IMMP1L: variants seen among roughly 807,000 people sequenced by gnomAD.
IMMP1L encodes inner mitochondrial membrane peptidase subunit 1.
IMMP1L carries 24 observed loss-of-function variants against 21.8 expected under a neutral mutation model. The ratio of observed to expected loss-of-function variants is 1.10; its 90% CI spans 0.80 to 1.55. IMMP1L has a LOEUF of 1.55. Ranked by LOEUF, IMMP1L falls within the 40% of genes most tolerant of loss-of-function variation. The pLI, the probability that IMMP1L is intolerant of heterozygous loss-of-function variation, is 0.00. For synonymous variants in IMMP1L, 46 were observed against 62.8 expected (o/e 0.73, Z 1.26); for missense variants, 195 against 200.7 (o/e 0.97, Z 0.17).
At chr11:31,467,780 A>ATT (rs34229840) in intron 1 of IMMP1L, among the ~76,000 whole-genome samples, 36,313 of 143,412 alleles carry the variant, frequency 0.25, 4,578 homozygotes, top group South Asian at 0.34. Context: ...AAAGTAGATA[A>ATT]TTTTTTTTTT....
At chr11:31,492,093 G>A (rs1955275938) in intron 1 of IMMP1L, among the ~76,000 whole-genome samples, 1 of 152,148 alleles carries the variant, frequency 6.6e-6, no homozygotes, top group Non-Finnish European at 1.5e-5. Context: ...TCAAAGCCAG[G>A]CATTGACTTC....
At chr11:31,442,992 T>C (rs1205662947) in intron 4 of IMMP1L, among the ~76,000 whole-genome samples, 1 of 152,184 alleles carries the variant, frequency 6.6e-6, no homozygotes, top group Non-Finnish European at 1.5e-5. Flanking sequence ...GAAAAAAGTC[T>C]ATATGATGAA....
chr11:31,507,713 G>C (rs1955817907), intron 1 of IMMP1L, among the ~76,000 whole-genome samples: 1 of 152,106 alleles, frequency 6.6e-6, no homozygotes, highest in Admixed American at 6.5e-5. Flanking sequence ...ATATCAGTTA[G>C]ATAGGAGGAA....
chr11:31,447,926 C>T (rs1953590119), intron 4 of IMMP1L, among the ~76,000 whole-genome samples: 1 of 152,154 alleles, frequency 6.6e-6, no homozygotes, highest in African/African-American at 2.4e-5. Context: ...AAAGTGGTAA[C>T]ATCAAAACTT....
intron 1 of IMMP1L, among the ~76,000 whole-genome samples, chr11:31,508,073 G>C (rs1955838449): frequency 6.6e-6 from 1 of 152,110 alleles, no homozygotes; most frequent in South Asian, 2.1e-4. Context: ...TAATACCGAG[G>C]TGGTGGGTTG....
chr11:31,453,823 C>T (rs1327494825), intron 4 of IMMP1L, among the ~76,000 whole-genome samples: 2 of 152,014 alleles, frequency 1.3e-5, no homozygotes, highest in African/African-American at 4.8e-5. Context: ...ATAATAAAGA[C>T]AAATACTTTT....
At chr11:31,496,157 G>T (rs1228995263) in intron 1 of IMMP1L, among the ~76,000 whole-genome samples, 3 of 148,426 alleles carry the variant, frequency 2.0e-5, no homozygotes, top group African/African-American at 7.4e-5. Context: ...TTCAAAACCG[G>T]CAAAGGTTTT....
At chr11:31,500,139 C>A (rs775242493) in intron 1 of IMMP1L, among the ~76,000 whole-genome samples, 30 of 151,966 alleles carry the variant, frequency 2.0e-4, no homozygotes, top group Non-Finnish European at 3.5e-4. Context: ...TAAGTCCTAC[C>A]AACCCACAAG....
At chr11:31,442,153 G>C (rs540894281) in intron 4 of IMMP1L, among the ~76,000 whole-genome samples, 7 of 151,970 alleles carry the variant, frequency 4.6e-5, no homozygotes, top group Admixed American at 4.6e-4. Context: ...TCCTTTCTAC[G>C]ACAGAGGTTT....
At chr11:31,438,148 G>A (rs1953188239) in intron 4 of IMMP1L, among the ~76,000 whole-genome samples, 1 of 152,090 alleles carries the variant, frequency 6.6e-6, no homozygotes, top group Admixed American at 6.6e-5. Context: ...CTTTTTCAAA[G>A]TGATACTATT....
chr11:31,479,341 G>A (rs957882675), intron 1 of IMMP1L, among the ~76,000 whole-genome samples: 1 of 151,954 alleles, frequency 6.6e-6, no homozygotes, highest in African/African-American at 2.4e-5. Flanking sequence ...CAAAAGTCAG[G>A]TGACACAATT....
At chr11:31,434,306 G>C (rs370581518) in intron 4 of IMMP1L, among the ~76,000 whole-genome samples, 1 of 152,236 alleles carries the variant, frequency 6.6e-6, no homozygotes, top group East Asian at 1.9e-4. Flanking sequence ...ACAATCATAA[G>C]CATATTTAGA....
At chr11:31,463,392 C>G (rs1460312898) in intron 1 of IMMP1L, 87 bp from the exon 2 acceptor site, 9 of 1,227,582 alleles carry the variant, frequency 7.3e-6, no homozygotes, top group Non-Finnish European at 9.7e-6. Flanking sequence ...TACAATCACC[C>G]AAAATGTACT....
rs538474004 is a variant in IMMP1L at position 31,504,297 on chromosome 11, T to C, written c.-30+5222A>G. On this transcript the variant is annotated intron_variant, in intron 1 of 5. Coordinates refer to ENST00000532287, the MANE Select transcript of IMMP1L (RefSeq NM_001304274.2). ...ACAGAATGATAGAAGATATTTGTAA[T>C]GAATTTATTTGGAAACGAACTCTTA... 4.6e-5 allele frequency among the ~76,000 whole-genome samples: 7 copies of C among 152,310 alleles called. No homozygotes were observed. The South Asian group carries it at 1.2e-3, about 27-fold the overall frequency.
rs891664590 is a variant in IMMP1L, at chr11:31,509,561, G to A, written c.-72C>T. The A allele has an allele frequency of 1.0e-4, 59 of 584,700 alleles. No homozygotes were observed. The highest frequency in any genetic ancestry group is 1.7e-4 in the Non-Finnish European group (55 of 327,608). The allele number at this position is 584,700 out of a possible 1,614,324, so 36.2% of individuals were successfully genotyped here. A position where few individuals can be genotyped will look rare whatever the true frequency, so the allele number is the denominator to read the frequency against. Reference sequence around the variant, plus strand: ...CCTGGAGACCCTCAACCAGGACACAGGTGGGCCTTTCTCACCTGGGCCCCG... The same window carrying A: ...CCTGGAGACCCTCAACCAGGACACAAGTGGGCCTTTCTCACCTGGGCCCCG... On this transcript the variant is annotated 5_prime_UTR_variant, in exon 1 of 6. Transcript: ENST00000532287.
At chr11:31,465,034 A>G (rs1287541080) in intron 1 of IMMP1L, among the ~76,000 whole-genome samples, 1 of 152,166 alleles carries the variant, frequency 6.6e-6, no homozygotes, top group Non-Finnish European at 1.5e-5. Context: ...TTATATATAG[A>G]AAAACCTAAA....
At chr11:31,455,251 T>C (rs1231382286) in intron 4 of IMMP1L, among the ~76,000 whole-genome samples, 1 of 152,178 alleles carries the variant, frequency 6.6e-6, no homozygotes, top group African/African-American at 2.4e-5. Context: ...TGTGTTTACA[T>C]TGAGGATGAA....
chr11:31,433,135 A>G lies in IMMP1L; in HGVS notation c.432+325T>C, dbSNP rs144126408. 2.6e-5 allele frequency among the ~76,000 whole-genome samples: 4 copies of G among 152,366 alleles called. No individual in the cohort carries two copies. The East Asian group carries it at 7.7e-4, about 29-fold the overall frequency. ...GTTTGAATCTAGACTGTTCTTCTGC[A>G]CATGCTTATTAAAATATGCCCTGGG... On this transcript the variant is annotated intron_variant, in intron 5 of 5. Coordinates refer to ENST00000532287, the MANE Select transcript of IMMP1L (RefSeq NM_001304274.2).
intron 1 of IMMP1L, among the ~76,000 whole-genome samples, chr11:31,499,987 A>G (rs934143247): frequency 7.4e-6 from 1 of 135,466 alleles, no homozygotes; most frequent in Non-Finnish European, 1.6e-5. Flanking sequence ...AATAAAGTGT[A>G]ATCTGCCTGA....
Sources: allele counts gnomAD v4.1 joint callset (sites outside exome capture counted in the v4.1 genomes callset), GRCh38; gene constraint gnomAD v4.1.1; transcripts MANE v1.5; gene names NCBI Gene and HGNC (gene_info 2026-07-23, HGNC 2026-07-21).